Variants in ADAMDEC1 observed in about 807,000 individuals in gnomAD.
The protein encoded by ADAMDEC1 is ADAM like decysin 1, also known as ADAM DEC1.
A neutral mutation model predicts 60.4 loss-of-function variants in ADAMDEC1; 62 were observed. The ratio of observed to expected loss-of-function variants is 1.03; its 90% CI spans 0.84 to 1.27. ADAMDEC1 has a LOEUF of 1.27. Among genes scored for constraint, ADAMDEC1 ranks in the 50% most tolerant of loss-of-function variants. The pLI is 0.00. For missense variants in ADAMDEC1, 595 were observed against 565.0 expected, an observed-to-expected ratio of 1.05 and a Z score of -0.54; for synonymous variants, 210 against 195.1, an observed-to-expected ratio of 1.08 and a Z score of -0.64.
chr8:24,401,337 T>A (rs1046792458), intron 11 of ADAMDEC1, among the ~76,000 whole-genome samples: 2 of 152,204 alleles, frequency 1.3e-5, no homozygotes, highest in Admixed American at 6.6e-5. Flanking sequence ...AATCTCATTA[T>A]GTTGATGACA....
In ADAMDEC1 at chr8:24,397,689, G is replaced by T; in HGVS notation, c.634G>T (p.Asp212Tyr). 1 of 1,612,060 alleles carries T rather than the reference G, an allele frequency of 6.2e-7. No individual in the cohort carries two copies. The highest frequency in any genetic ancestry group is 1.1e-5 in the South Asian group (1 of 90,876). ...SRSLKSPEKE[D>Y]FLRAQKYIDL... ...TCTTTTATTCTTTGTAAAGAAAGAA[G>T]ACTTTCTTCGGGCACAGAAATACAT... Residue 212 changes from aspartate to tyrosine, a missense_variant, in exon 7 of 14, where the codon GAC becomes TAC. By Grantham distance (160) the Asp-to-Tyr change is radical (BLOSUM62 -3). Coordinates refer to ENST00000256412, the MANE Select transcript of ADAMDEC1 (RefSeq NM_014479.3).
At chr8:24,393,819 A>C (rs984751320) in intron 3 of ADAMDEC1, among the ~76,000 whole-genome samples, 12 of 152,166 alleles carry the variant, frequency 7.9e-5, no homozygotes, top group African/African-American at 2.4e-5. Context: ...AAATCTCAAA[A>C]TTACTAATTT....
chr8:24,403,949 C>T, intron 12 of ADAMDEC1, 54 bp from the exon 13 acceptor site: 1 of 1,457,884 alleles, frequency 6.9e-7, no homozygotes, highest in Admixed American at 1.7e-5. Flanking sequence ...ATCACCTAGT[C>T]TATGGGAAGA....
In ADAMDEC1 at chr8:24,384,538, G is replaced by GC. The variant is rs1471934554; in HGVS notation, c.36dup (p.Thr13HisfsTer26). The GC allele has an allele frequency of 6.2e-7, 1 of 1,610,368 alleles. No individual in the cohort carries two copies. The highest frequency in any genetic ancestry group is 2.2e-5 in the East Asian group (1 of 44,580). Reference sequence around the variant, plus strand: ...TGGGATCTCCCAGCTACCTGCAGTGGCCACCATGTCTTGGGTCCTGCTGCC... The same window carrying GC: ...TGGGATCTCCCAGCTACCTGCAGTGGCCCACCATGTCTTGGGTCCTGCTGCC... On this transcript the variant is annotated frameshift_variant, in exon 1 of 14. Transcript: ENST00000256412. LOFTEE classifies it high-confidence loss of function.
intron 13 of ADAMDEC1, 87 bp from the exon 14 acceptor site, chr8:24,405,205 T>C (rs1817859375): frequency 5.5e-6 from 7 of 1,270,754 alleles, no homozygotes; most frequent in Admixed American, 3.7e-5. Flanking sequence ...ATAATTTAAA[T>C]TCTATACATT....
At chr8:24,398,378 A>G (rs1817670219) in intron 7 of ADAMDEC1, 102 bp from the exon 8 acceptor site, 8 of 691,186 alleles carry the variant, frequency 1.2e-5, no homozygotes, top group Non-Finnish European at 1.7e-5. Context: ...TGTTAATTGT[A>G]GTGAAATTCA....
chr8:24,388,545 C>A (rs977469470), intron 1 of ADAMDEC1, among the ~76,000 whole-genome samples: 5 of 152,046 alleles, frequency 3.3e-5, no homozygotes, highest in Non-Finnish European at 7.4e-5. Flanking sequence ...TGGTGAACTC[C>A]TACCTCACAC....
chr8:24,393,994 T>G (rs896428264), intron 3 of ADAMDEC1, 75 bp from the exon 4 acceptor site: 2 of 949,748 alleles, frequency 2.1e-6, no homozygotes, highest in African/African-American at 3.3e-5. Context: ...CTATCACTAT[T>G]TTAGTGCTGA....
chr8:24,395,849 A>C, intron 5 of ADAMDEC1, 53 bp downstream of exon 5: 1 of 1,353,468 alleles, frequency 7.4e-7, no homozygotes, highest in Non-Finnish European at 1.0e-6. Context: ...TGTTACACAG[A>C]ATTAAGGGCT....
chr8:24,402,045 A>T lies in ADAMDEC1; in HGVS notation c.1273A>T (p.Asn425Tyr), dbSNP rs753520775. Reference protein sequence around the residue: ...TNIMTTPVCGNHLLEVGEDCD... With the variant: ...TNIMTTPVCGYHLLEVGEDCD... ...TATAATGACAACACCAGTGTGTGGG[A>T]ACCACCTTCTAGAAGTGGGAGAAGA... The change falls in exon 12 of 14, where the codon AAC becomes TAC. Residue 425 changes from asparagine (N) to tyrosine (Y), a missense_variant. Physicochemically the swap from Asn to Tyr is moderately radical, Grantham distance 143 (BLOSUM62 -2). Coordinates refer to ENST00000256412, the MANE Select transcript of ADAMDEC1 (RefSeq NM_014479.3). The T allele has an allele frequency of 1.2e-6, 2 of 1,613,032 alleles. No individual in the cohort carries two copies. The highest frequency in any genetic ancestry group is 2.2e-5 in the South Asian group (2 of 91,002).
At chr8:24,399,140 G>T in intron 9 of ADAMDEC1, 100 bp downstream of exon 9, 1 of 1,352,478 alleles carries the variant, frequency 7.4e-7, no homozygotes, top group Non-Finnish European at 1.0e-6. Context: ...CTGATCAACT[G>T]TCAGAGTGCT....
intron 12 of ADAMDEC1, among the ~76,000 whole-genome samples, chr8:24,402,329 A>G (rs1817786808): frequency 6.6e-6 from 1 of 152,132 alleles, no homozygotes; most frequent in Non-Finnish European, 1.5e-5. Context: ...GTTAACTATA[A>G]CATGTCACTT....
intron 1 of ADAMDEC1, among the ~76,000 whole-genome samples, chr8:24,386,793 C>T (rs1460308313): frequency 6.6e-6 from 1 of 152,162 alleles, no homozygotes; most frequent in Non-Finnish European, 1.5e-5. Context: ...TTTTCTCTCT[C>T]CTGCCGGGTC....
At chr8:24,403,919 C>T (rs1817825150) in intron 12 of ADAMDEC1, 84 bp from the exon 13 acceptor site, 1 of 1,065,534 alleles carries the variant, frequency 9.4e-7, no homozygotes, top group Non-Finnish European at 1.4e-6. Flanking sequence ...ACTTTCATTG[C>T]CATCTTGTGC....
intron 13 of ADAMDEC1, among the ~76,000 whole-genome samples, chr8:24,404,614 A>G (rs897508929): frequency 6.6e-6 from 1 of 152,154 alleles, no homozygotes; most frequent in African/African-American, 2.4e-5. Context: ...GAACCCAGTT[A>G]CTTGGAAAAT....
chr8:24,395,669 T>C (rs993003891), intron 4 of ADAMDEC1, 51 bp from the exon 5 acceptor site: 43 of 1,141,804 alleles, frequency 3.8e-5, no homozygotes, highest in Admixed American at 5.7e-5. Context: ...CACACTCACA[T>C]ACACACACAC....
chr8:24,396,384 C>A (rs1264804110), intron 5 of ADAMDEC1, among the ~76,000 whole-genome samples: 1 of 152,056 alleles, frequency 6.6e-6, no homozygotes, highest in African/African-American at 2.4e-5. Context: ...TGGTGGCTGG[C>A]GCCTGTAGTC....
chr8:24,392,895 T>TTG (rs1817484733), intron 2 of ADAMDEC1, among the ~76,000 whole-genome samples: 1 of 147,122 alleles, frequency 6.8e-6, no homozygotes, highest in Non-Finnish European at 1.5e-5. Flanking sequence ...GGTTTTTTTT[T>TTG]TTTTTTTTTT....
chr8:24,392,176 C>T, intron 1 of ADAMDEC1, 86 bp from the exon 2 acceptor site: 2 of 953,090 alleles, frequency 2.1e-6, no homozygotes, highest in South Asian at 3.5e-5. Flanking sequence ...GCTCTTTCAG[C>T]AACCCAAGAA....
Sources: gnomAD v4.1 joint callset for allele counts (sites outside exome capture counted in the v4.1 genomes callset) on GRCh38, gnomAD v4.1.1 for gene constraint, MANE v1.5 for transcripts, NCBI Gene and HGNC (gene_info 2026-07-23, HGNC 2026-07-21) for gene names.